Variants in CPEB3 observed in about 807,000 individuals in gnomAD.
CPEB3 encodes the protein cytoplasmic polyadenylation element binding protein 3, also known as cytoplasmic polyadenylation element-binding protein 3.
A neutral mutation model predicts 67.2 loss-of-function variants in CPEB3; 20 were observed. The ratio of observed to expected loss-of-function variants is 0.30; its 90% CI spans 0.21 to 0.43. The LOEUF (loss-of-function observed/expected upper bound fraction) is 0.43, where lower values mean the gene tolerates loss of function less well. Ranked by LOEUF, CPEB3 falls within the 20% of genes least tolerant of loss-of-function variation. CPEB3 has a pLI of 1.00. For missense variants in CPEB3, 746 were observed against 968.6 expected (o/e 0.77, Z 3.05); for synonymous variants, 376 against 393.1 (o/e 0.96, Z 0.51).
intron 4 of CPEB3, among the ~76,000 whole-genome samples, chr10:92,159,971 C>A (rs1230457101): frequency 2.7e-5 from 4 of 149,182 alleles, no homozygotes; most frequent in African/African-American, 4.9e-5. Flanking sequence ...GAGATGGAGT[C>A]TCGTTCACTC....
chr10:92,266,771 C>T (rs540787342), intron 1 of CPEB3, among the ~76,000 whole-genome samples: 48 of 152,160 alleles, frequency 3.2e-4, no homozygotes, highest in African/African-American at 1.0e-3. Context: ...CGGTGGCTCA[C>T]GCCTGTAATC....
intron 2 of CPEB3, among the ~76,000 whole-genome samples, chr10:92,208,992 A>G (rs1400806726): frequency 6.6e-6 from 1 of 152,150 alleles, no homozygotes; most frequent in Non-Finnish European, 1.5e-5. Context: ...TCATCTATTA[A>G]GTAGATCACT....
intron 1 of CPEB3, among the ~76,000 whole-genome samples, chr10:92,243,444 T>G (rs1851933204): frequency 6.6e-6 from 1 of 152,020 alleles, no homozygotes; most frequent in African/African-American, 2.4e-5. Flanking sequence ...TCCTAACCAA[T>G]CTAAATCACG....
At chr10:92,161,500 T>G (rs1847476813) in intron 4 of CPEB3, among the ~76,000 whole-genome samples, 2 of 152,030 alleles carry the variant, frequency 1.3e-5, no homozygotes, top group Non-Finnish European at 2.9e-5. Flanking sequence ...CTCGAACTCC[T>G]GACCTCAGGT....
chr10:92,113,757 T>A (rs1011290294), intron 6 of CPEB3, among the ~76,000 whole-genome samples: 4 of 152,134 alleles, frequency 2.6e-5, no homozygotes, highest in Admixed American at 2.6e-4. Context: ...GGCGGTTGTC[T>A]CCCTATAGCA....
At chr10:92,261,519 C>T (rs1852799201) in intron 1 of CPEB3, among the ~76,000 whole-genome samples, 1 of 152,128 alleles carries the variant, frequency 6.6e-6, no homozygotes, top group African/African-American at 2.4e-5. Context: ...GTGATCTCAG[C>T]TCACTGCAAC....
At chr10:92,118,153 T>C (rs531751471) in intron 6 of CPEB3, among the ~76,000 whole-genome samples, 3 of 152,280 alleles carry the variant, frequency 2.0e-5, no homozygotes, top group African/African-American at 7.2e-5. Context: ...TGTTTCAAGA[T>C]GGAGTTTCGC....
chr10:92,118,829 T>G, intron 6 of CPEB3: 1 of 772,564 alleles, frequency 1.3e-6, no homozygotes, highest in South Asian at 1.4e-5. Flanking sequence ...CGTCACTATC[T>G]ACAGTTGGTC....
At chr10:92,245,389 GC>G (rs1352075707) in intron 1 of CPEB3, among the ~76,000 whole-genome samples, 1 of 151,932 alleles carries the variant, frequency 6.6e-6, no homozygotes, top group Non-Finnish European at 1.5e-5. Flanking sequence ...GCCCACCTCG[GC>G]CTCCCAAAGT....
rs555850610 is a variant in CPEB3 at position 92,145,344 on chromosome 10, T to C, written c.1223-259A>G. 2.6e-5 allele frequency among the ~76,000 whole-genome samples: 4 copies of C among 152,164 alleles called. No individual in the cohort carries two copies. In the East Asian group the frequency reaches 5.8e-4, roughly 22 times the overall value. On this transcript the variant is annotated intron_variant, in intron 4 of 9. Coordinates refer to ENST00000265997, the MANE Select transcript of CPEB3 (RefSeq NM_014912.5). ...ATTGCTAACTAAAGAAAAAGAATCA[T>C]CCAGGTGGGCATGGAGGCTCATGCC...
chr10:92,135,832 T>TA (rs1173874851), intron 6 of CPEB3, among the ~76,000 whole-genome samples: 2 of 152,058 alleles, frequency 1.3e-5, no homozygotes, highest in African/African-American at 2.4e-5. Context: ...TATGTAGCCA[T>TA]AAAAAAGGAT....
chr10:92,252,038 C>T (rs1446755438), intron 1 of CPEB3, among the ~76,000 whole-genome samples: 3 of 151,432 alleles, frequency 2.0e-5, no homozygotes, highest in South Asian at 2.1e-4. Context: ...TATGCTCTCT[C>T]TCTCTATATA....
chr10:92,198,507 G>T (rs908783333), intron 2 of CPEB3, among the ~76,000 whole-genome samples: 2 of 152,168 alleles, frequency 1.3e-5, no homozygotes, highest in African/African-American at 2.4e-5. Flanking sequence ...TTTCTTGGAA[G>T]AGGAATCCAG....
chr10:92,185,833 T>G (rs979112225), intron 3 of CPEB3, among the ~76,000 whole-genome samples: 1 of 152,196 alleles, frequency 6.6e-6, no homozygotes, highest in Non-Finnish European at 1.5e-5. Context: ...AAAAATGTAA[T>G]ACTGTGATAT....
At chr10:92,086,472 T>C (rs1191991495) in intron 8 of CPEB3, among the ~76,000 whole-genome samples, 1 of 152,222 alleles carries the variant, frequency 6.6e-6, no homozygotes, top group Non-Finnish European at 1.5e-5. Flanking sequence ...CTACTGTTAC[T>C]GAGACAACAT....
chr10:92,257,169 G>T (rs1852551491), intron 1 of CPEB3, among the ~76,000 whole-genome samples: 1 of 152,200 alleles, frequency 6.6e-6, no homozygotes, highest in Non-Finnish European at 1.5e-5. Flanking sequence ...TCTCCTGTTG[G>T]AGGATATTTG....
chr10:92,195,011 T>A (rs1849166870), intron 2 of CPEB3, among the ~76,000 whole-genome samples: 1 of 148,560 alleles, frequency 6.7e-6, no homozygotes. Flanking sequence ...GCCACTGCAC[T>A]CCAGCCTGGG....
chr10:92,120,452 C>T (rs564837065), intron 6 of CPEB3, among the ~76,000 whole-genome samples: 26 of 151,946 alleles, frequency 1.7e-4, no homozygotes, highest in African/African-American at 5.8e-4. Context: ...GGTGTGGTGG[C>T]GGGCGCCTAT....
chr10:92,246,402 T>C (rs568362891), intron 1 of CPEB3, among the ~76,000 whole-genome samples: 3 of 151,830 alleles, frequency 2.0e-5, no homozygotes, highest in Non-Finnish European at 4.4e-5. Flanking sequence ...AACGTCCTTA[T>C]AGCTTTAAGA....
Sources: allele counts gnomAD v4.1 joint callset (sites outside exome capture counted in the v4.1 genomes callset), GRCh38; gene constraint gnomAD v4.1.1; transcripts MANE v1.5; gene names NCBI Gene and HGNC (gene_info 2026-07-23, HGNC 2026-07-21).